The following ADK variants were observed in gnomAD, a reference collection of about 807,000 sequenced individuals.
ADK encodes the protein adenosine kinase.
Under a neutral mutation model 44.7 loss-of-function variants are expected in ADK, and 24 were observed. That is an observed-to-expected ratio of 0.54 (90% CI 0.39 to 0.76). The LOEUF is 0.76. Among genes scored for constraint, ADK ranks in the 30% least tolerant of loss-of-function variants. The probability of loss-of-function intolerance (pLI) is 0.00; values close to 1 mark genes in which losing one functional copy is unlikely to be tolerated. For synonymous variants in ADK, 128 were observed against 142.6 expected, an observed-to-expected ratio of 0.90 and a Z score of 0.73; for missense variants, 321 against 425.1, an observed-to-expected ratio of 0.76 and a Z score of 2.15.
chr10:74,655,099 C>A, intron 9 of ADK: 1 of 278,860 alleles, frequency 3.6e-6, no homozygotes. Context: ...GGGAACCTTA[C>A]CCTGGGGGTT....
chr10:74,269,564 T>G (rs1846347835), intron 3 of ADK, among the ~76,000 whole-genome samples: 1 of 152,242 alleles, frequency 6.6e-6, no homozygotes, highest in Non-Finnish European at 1.5e-5. Flanking sequence ...TTTATTATTC[T>G]GTACTATGTT....
chr10:74,479,623 T>C (rs1846993467), intron 6 of ADK, among the ~76,000 whole-genome samples: 1 of 152,056 alleles, frequency 6.6e-6, no homozygotes, highest in African/African-American at 2.4e-5. Flanking sequence ...GTGTGATTTA[T>C]TATCTCTGCT....
intron 10 of ADK, among the ~76,000 whole-genome samples, chr10:74,681,296 A>T (rs1855590179): frequency 6.6e-6 from 1 of 152,220 alleles, no homozygotes; most frequent in Admixed American, 6.5e-5. Flanking sequence ...TAAAAATTAA[A>T]AATGTTTTTA....
At chr10:74,440,794 T>C (rs1845380455) in intron 6 of ADK, among the ~76,000 whole-genome samples, 1 of 152,110 alleles carries the variant, frequency 6.6e-6, no homozygotes, top group Non-Finnish European at 1.5e-5. Context: ...ATTCTTCCAT[T>C]GTATATCTTA....
intron 1 of ADK, among the ~76,000 whole-genome samples, chr10:74,180,378 C>T: frequency 6.7e-6 from 1 of 150,152 alleles, no homozygotes; most frequent in Non-Finnish European, 1.5e-5. Context: ...GCTGGGTTTA[C>T]AGACGCCTGC....
chr10:74,434,465 T>C (rs946656405), intron 6 of ADK, among the ~76,000 whole-genome samples: 3 of 152,192 alleles, frequency 2.0e-5, no homozygotes, highest in Admixed American at 6.5e-5. Context: ...TTATTTGCAA[T>C]TCTAAAATCG....
At chr10:74,444,719 A>G (rs1381029540) in intron 6 of ADK, among the ~76,000 whole-genome samples, 1 of 152,108 alleles carries the variant, frequency 6.6e-6, no homozygotes, top group Admixed American at 6.5e-5. Context: ...AGAGTTAAGG[A>G]GTTTAAATTC....
At chr10:74,624,717 T>C (rs1182963199) in intron 9 of ADK, among the ~76,000 whole-genome samples, 1 of 152,074 alleles carries the variant, frequency 6.6e-6, no homozygotes, top group Non-Finnish European at 1.5e-5. Context: ...ACTCAGATGC[T>C]TTTGAGAGTG....
At chr10:74,377,782 A>G (rs1246796134) in intron 4 of ADK, among the ~76,000 whole-genome samples, 1 of 152,184 alleles carries the variant, frequency 6.6e-6, no homozygotes, top group Non-Finnish European at 1.5e-5. Context: ...ACAGGTAGTG[A>G]GGAAGAGTGT....
chr10:74,473,968 A>G (rs936417958), intron 6 of ADK, among the ~76,000 whole-genome samples: 1 of 152,174 alleles, frequency 6.6e-6, no homozygotes, highest in Non-Finnish European at 1.5e-5. Context: ...AGTTTTACCC[A>G]CTGATTTATA....
At chr10:74,287,958 G>GAGACCCTGCCTGTACTGAGACA (rs1218456211) in intron 3 of ADK, among the ~76,000 whole-genome samples, 1 of 149,090 alleles carries the variant, frequency 6.7e-6, no homozygotes. Context: ...CTCCTGCCTG[G>GAGACCCTGCCTGTACTGAGACA]GGCGATGTAC....
intron 9 of ADK, among the ~76,000 whole-genome samples, chr10:74,631,372 C>G: frequency 6.7e-6 from 1 of 150,306 alleles, no homozygotes; most frequent in Admixed American, 6.6e-5. Context: ...CCTGCTGGGT[C>G]CAAGCAATTC....
At chr10:74,675,439 T>C (rs1855353434) in intron 10 of ADK, among the ~76,000 whole-genome samples, 1 of 152,222 alleles carries the variant, frequency 6.6e-6, no homozygotes, top group Non-Finnish European at 1.5e-5. Context: ...CTTGTTCTAT[T>C]TGGAGGTCTT....
intron 7 of ADK, among the ~76,000 whole-genome samples, chr10:74,540,290 A>T (rs1012202392): frequency 6.6e-6 from 1 of 152,176 alleles, no homozygotes; most frequent in African/African-American, 2.4e-5. Context: ...ATCATATTTT[A>T]TGCAGTAATG....
At chr10:74,281,282 C>T (rs1846922819) in intron 3 of ADK, among the ~76,000 whole-genome samples, 1 of 152,212 alleles carries the variant, frequency 6.6e-6, no homozygotes, top group Admixed American at 6.5e-5. Flanking sequence ...TCTTCTTATG[C>T]TCATGGGCTG....
chr10:74,531,518 T>C (rs1849291320), intron 7 of ADK, among the ~76,000 whole-genome samples: 1 of 152,174 alleles, frequency 6.6e-6, no homozygotes. Context: ...GCTTCAGTGT[T>C]TAATTCTTTT....
At chr10:74,280,863 A>G (rs557761665) in intron 3 of ADK, among the ~76,000 whole-genome samples, 1 of 152,312 alleles carries the variant, frequency 6.6e-6, no homozygotes, top group African/African-American at 2.4e-5. Context: ...TGAAAGTTTG[A>G]CACATATTTT....
At chr10:74,283,803 C>T (rs540857597) in intron 3 of ADK, among the ~76,000 whole-genome samples, 56 of 149,076 alleles carry the variant, frequency 3.8e-4, no homozygotes, top group African/African-American at 1.3e-3. Flanking sequence ...GCCTCAGCCT[C>T]CTGAGTAGCT....
chr10:74,183,002 A>T (rs957149006), intron 1 of ADK, among the ~76,000 whole-genome samples: 20 of 151,986 alleles, frequency 1.3e-4, no homozygotes, highest in Non-Finnish European at 2.8e-4. Context: ...TGCAACGTCA[A>T]CCTCTGGGCT....
Sources: allele counts gnomAD v4.1 joint callset (sites outside exome capture counted in the v4.1 genomes callset), GRCh38; gene constraint gnomAD v4.1.1; transcripts MANE v1.5; gene names NCBI Gene and HGNC (gene_info 2026-07-23, HGNC 2026-07-21).